The following NCF2 variants were observed in gnomAD, a reference collection of about 807,000 sequenced individuals.
The protein encoded by NCF2 is neutrophil cytosol factor 2.
NCF2 carries 45 observed loss-of-function variants against 70.9 expected under a neutral mutation model. That is an observed-to-expected ratio of 0.63 (90% confidence interval 0.50 to 0.81). The LOEUF (loss-of-function observed/expected upper bound fraction) is 0.81, where lower values mean the gene tolerates loss of function less well. NCF2 is among the 40% of genes least tolerant of loss of function. The pLI, the probability that NCF2 is intolerant of heterozygous loss-of-function variation, is 0.00. For synonymous variants in NCF2, 203 were observed against 233.6 expected, an observed-to-expected ratio of 0.87 and a Z score of 1.19; for missense variants, 522 against 631.6, an observed-to-expected ratio of 0.83 and a Z score of 1.86.
At chr1:183,582,541 C>T (rs946385947) in intron 2 of NCF2, among the ~76,000 whole-genome samples, 4 of 152,186 alleles carry the variant, frequency 2.6e-5, no homozygotes, top group African/African-American at 9.7e-5. Flanking sequence ...GCTGCCAGTG[C>T]CCCATGCGTC....
the NCF2 span, among the ~76,000 whole-genome samples, chr1:183,597,468 T>A: frequency 7.8e-3 from 1,195 of 152,258 alleles, 20 homozygotes; most frequent in African/African-American, 0.026. Flanking sequence ...CAGAATTTTT[T>A]AAAAAAATTT....
At chr1:183,583,806 G>C (rs950714837) in intron 2 of NCF2, among the ~76,000 whole-genome samples, 2 of 152,236 alleles carry the variant, frequency 1.3e-5, no homozygotes, top group African/African-American at 4.8e-5. Context: ...ATAGGAACAG[G>C]CAAGGGAATT....
intron 11 of NCF2, 86 bp from the exon 12 acceptor site, chr1:183,563,671 A>C (rs916394421): frequency 6.5e-7 from 1 of 1,543,762 alleles, no homozygotes; most frequent in Admixed American, 1.7e-5. Flanking sequence ...GTGATTTGGC[A>C]CAGGGGGTAC....
intron 2 of NCF2, among the ~76,000 whole-genome samples, chr1:183,582,260 T>G (rs868285363): frequency 1.3e-5 from 2 of 152,206 alleles, no homozygotes; most frequent in Non-Finnish European, 2.9e-5. Flanking sequence ...TTTGGAAGCA[T>G]CCCCCAGGAG....
intron 14 of NCF2, among the ~76,000 whole-genome samples, chr1:183,557,737 C>A (rs924256046): frequency 9.2e-5 from 14 of 152,184 alleles, no homozygotes. Flanking sequence ...TTCCTGCTCC[C>A]TCTCCCAAAC....
At chr1:183,597,178 C>A in the NCF2 span, among the ~76,000 whole-genome samples, 3 of 152,208 alleles carry the variant, frequency 2.0e-5, no homozygotes, top group Admixed American at 6.5e-5. Context: ...TTCAGTCCTG[C>A]ATTTTTCGTC....
intron 14 of NCF2, among the ~76,000 whole-genome samples, chr1:183,558,509 C>G (rs1671895033): frequency 1.3e-5 from 2 of 151,972 alleles, no homozygotes; most frequent in Non-Finnish European, 2.9e-5. Context: ...CTCAAGCAGT[C>G]AGCCCACATT....
Position 183,590,297 on chromosome 1 carries a change from A to T in NCF2, c.33T>A (p.Asn11Lys). The change falls in exon 1 of 15, where the codon AAT (asparagine) becomes AAA (lysine). Residue 11 changes from asparagine (N) to lysine (K), a missense_variant. Transcript: ENST00000367535. ...TCTTGTCCGCTGCCAGCACCCCTTCATTCCAGAGGCTGATGGCCTCCACCA... is the reference window on the plus strand; with the variant it reads ...TCTTGTCCGCTGCCAGCACCCCTTCTTTCCAGAGGCTGATGGCCTCCACCA... MSLVEAISLW[N>K]EGVLAADKKD... is the part of the protein sequence containing the mutation. 1 of 1,614,076 alleles carries T rather than the reference A, an allele frequency of 6.2e-7. No individual in the cohort carries two copies. The highest frequency in any genetic ancestry group is 8.5e-7 in the Non-Finnish European group (1 of 1,179,990).
At chr1:183,587,406 C>T (rs1212493593) in intron 1 of NCF2, among the ~76,000 whole-genome samples, 7 of 151,906 alleles carry the variant, frequency 4.6e-5, no homozygotes, top group African/African-American at 1.7e-4. Context: ...CCAACCTGGG[C>T]AAAATAGTGA....
intron 5 of NCF2, among the ~76,000 whole-genome samples, chr1:183,572,651 T>A (rs895748770): frequency 6.6e-6 from 1 of 152,222 alleles, no homozygotes; most frequent in Non-Finnish European, 1.5e-5. Context: ...TTTATTTTTA[T>A]TTTTTAGAAA....
At chr1:183,590,777 G>A (rs1269833867), upstream of NCF2, 1 of 238,782 alleles carries the variant, frequency 4.2e-6, no homozygotes, top group Non-Finnish European at 8.6e-6. Context: ...CCTCCCTGGT[G>A]ATAATGACAG....
chr1:183,580,592 A>G (rs1673013534), intron 2 of NCF2, among the ~76,000 whole-genome samples: 1 of 152,182 alleles, frequency 6.6e-6, no homozygotes, highest in Admixed American at 6.5e-5. Context: ...GGCTAAGCAG[A>G]TGGATTTCAG....
In NCF2 at chr1:183,569,148, A is replaced by G. The variant is rs764405660; in HGVS notation, c.707T>C (p.Ile236Thr). ...GGATTTGAATCTAACTTACCTGAAG[A>G]TCTCTGGGGTTTTCGGTCTGGGTGG... ...EPPPRPKTPE[I>T]FRALEGEAHR... is the part of the protein sequence containing the mutation. Residue 236 changes from isoleucine to threonine, a missense_variant, in exon 7 of 15, where the codon ATC becomes ACC. By Grantham distance (89) the Ile-to-Thr change is moderately conservative. Coordinates refer to ENST00000367535, the MANE Select transcript of NCF2 (RefSeq NM_000433.4). 2 of 1,613,874 alleles carry G rather than the reference A, an allele frequency of 1.2e-6. No individual in the cohort carries two copies. Among genetic ancestry groups the G allele is most frequent in the East Asian group, 2.2e-5 (1 of 44,878 alleles).
upstream of NCF2, among the ~76,000 whole-genome samples, chr1:183,594,950 G>A (rs1180142262): frequency 6.6e-6 from 1 of 152,150 alleles, no homozygotes; most frequent in Non-Finnish European, 1.5e-5. Flanking sequence ...CTCCTCAAAG[G>A]ATAGAGCCAA....
At chr1:183,570,404 C>A (rs1391701052) in intron 6 of NCF2, among the ~76,000 whole-genome samples, 1 of 152,244 alleles carries the variant, frequency 6.6e-6, no homozygotes, top group Admixed American at 6.5e-5. Context: ...CCACAGGGTT[C>A]CCCACTTGCC....
chr1:183,577,767 A>T (rs1672865069), intron 2 of NCF2, 60 bp from the exon 3 acceptor site: 1 of 1,197,056 alleles, frequency 8.4e-7, no homozygotes, highest in South Asian at 1.2e-5. Context: ...ATGCAGCATA[A>T]AATGTGAGTC....
chr1:183,599,411 T>TTTCTTTCTTTCC, the NCF2 span, among the ~76,000 whole-genome samples: 1 of 132,618 alleles, frequency 7.5e-6, no homozygotes, highest in Admixed American at 7.7e-5. Context: ...TTTTTCTTTC[T>TTTCTTTCTTTCC]TTCTTTCTTT....
intron 7 of NCF2, 101 bp from the exon 8 acceptor site, chr1:183,567,446 C>G (rs759257176): frequency 6.6e-7 from 1 of 1,525,514 alleles, no homozygotes; most frequent in Non-Finnish European, 9.0e-7. Context: ...CAGCCTGGCT[C>G]TAACTCCACA....
intron 12 of NCF2, 28 bp downstream of exon 12, chr1:183,563,406 C>G (rs757516561): frequency 1.2e-6 from 2 of 1,613,996 alleles, no homozygotes; most frequent in Non-Finnish European, 1.7e-6. Context: ...CCCACTGTAC[C>G]CCTCACAGCT....
Sources: gnomAD v4.1 joint callset for allele counts (sites outside exome capture counted in the v4.1 genomes callset) on GRCh38, gnomAD v4.1.1 for gene constraint, MANE v1.5 for transcripts, NCBI Gene and HGNC (gene_info 2026-07-23, HGNC 2026-07-21) for gene names.